The following P2RX7 variants were observed in gnomAD, a reference collection of about 807,000 sequenced individuals.
The protein encoded by P2RX7 is purinergic receptor P2X 7.
A neutral mutation model predicts 71.6 loss-of-function variants in P2RX7; 62 were observed. The observed-to-expected ratio is 0.87, with a 90% CI of 0.71 to 1.07. The LOEUF is 1.07. Among genes scored for constraint, P2RX7 ranks in the 50% least tolerant of loss-of-function variants. The probability of loss-of-function intolerance (pLI) is 0.00; values close to 1 mark genes in which losing one functional copy is unlikely to be tolerated. For synonymous variants in P2RX7, 299 were observed against 283.3 expected, an observed-to-expected ratio of 1.06 and a Z score of -0.56; for missense variants, 686 against 748.5, an observed-to-expected ratio of 0.92 and a Z score of 0.97.
At position 121,187,496 on chromosome 12, in the gene P2RX7, C is replaced by CT. The variant is rs1253941622; in HGVS notation, c.*2696dup. 2 of 152,146 alleles carry CT rather than the reference C, an allele frequency of 1.3e-5. No homozygotes were observed. The highest frequency in any genetic ancestry group is 4.8e-5 in the African/African-American group (2 of 41,436). 9.4% of individuals were successfully genotyped at this position (152,146 alleles called of 1,614,324 possible). ...CTGTTACAAGTTTCCATTCTGATGGCTTCTGGGCCTTTGTACCTTTGTTTT... is the reference window on the plus strand; with the variant it reads ...CTGTTACAAGTTTCCATTCTGATGGCTTTCTGGGCCTTTGTACCTTTGTTTT... On this transcript the variant is annotated 3_prime_UTR_variant, in exon 13 of 13. Coordinates refer to ENST00000328963, the MANE Select transcript of P2RX7 (RefSeq NM_002562.6).
chr12:121,150,643 T>A (rs1332171794), intron 1 of P2RX7, among the ~76,000 whole-genome samples: 3 of 152,268 alleles, frequency 2.0e-5, no homozygotes, highest in African/African-American at 7.2e-5. Context: ...GTGCACTGGC[T>A]TATGCCTGTA....
intron 3 of P2RX7, among the ~76,000 whole-genome samples, chr12:121,158,781 C>A (rs1230884275): frequency 1.3e-5 from 2 of 152,168 alleles, no homozygotes; most frequent in Non-Finnish European, 2.9e-5. Flanking sequence ...AAACTGATTT[C>A]TCTTCTTTCC....
At chr12:121,140,762 A>G (rs1794886) in intron 1 of P2RX7, among the ~76,000 whole-genome samples, 3 of 151,814 alleles carry the variant, frequency 2.0e-5, no homozygotes, top group Non-Finnish European at 4.4e-5. Context: ...CAGACTGAGA[A>G]CCTGTCTTAA....
chr12:121,149,915 C>T lies in P2RX7; in HGVS notation c.126-4870C>T, dbSNP rs755906734. 6.6e-6 allele frequency among the ~76,000 whole-genome samples: 1 copy of T among 152,184 alleles called. No individual in the cohort carries two copies. The highest frequency in any genetic ancestry group is 1.5e-5 in the Non-Finnish European group (1 of 68,042). ...CTCAGTGAAATCCCTAGGTCCTTCA[C>T]ACTCCCGTTAGCTCCAGGTACCAGC... On this transcript the variant is annotated intron_variant, in intron 1 of 12. Transcript: ENST00000328963. The surrounding 1 kb of genome is among the most constrained non-coding windows in gnomAD (Gnocchi z 4.7).
chr12:121,136,024 A>AAAAAAAATATATATG (rs1555222075), intron 1 of P2RX7, among the ~76,000 whole-genome samples: 79 of 11,638 alleles, frequency 6.8e-3, no homozygotes, highest in Middle Eastern at 0.1. Context: ...AAAAAAAAAA[A>AAAAAAAATATATATG]TATATATATA....
At chr12:121,147,545 G>A (rs1876456858) in intron 1 of P2RX7, among the ~76,000 whole-genome samples, 1 of 152,162 alleles carries the variant, frequency 6.6e-6, no homozygotes, top group Admixed American at 6.5e-5. Context: ...GAACCATATG[G>A]AACTGCCTAT....
Position 121,149,018 on chromosome 12 carries a change from G to T in P2RX7, c.126-5767G>T. ...GCTGGAAGCCCAGGGGCTGTAAGAC[G>T]GAGAGGAACTTTGCTGAAAGGGAGG... On this transcript the variant is annotated intron_variant, in intron 1 of 12. Transcript: ENST00000328963. This position sits in a 1 kb window ranked among gnomAD's most constrained non-coding sequence, Gnocchi z 4.7. The T allele has an allele frequency of 1.8e-6, 1 of 549,642 alleles. No homozygotes were observed. Among genetic ancestry groups the T allele is most frequent in the South Asian group, 1.5e-5 (1 of 67,236 alleles). 34.0% of individuals were successfully genotyped at this position (549,642 alleles called of 1,614,324 possible). A position where few individuals can be genotyped will look rare whatever the true frequency, so the allele number is the denominator to read the frequency against.
Position 121,187,264 on chromosome 12 carries a change from C to T in P2RX7, c.*2462C>T, listed in dbSNP as rs1283882347. ...CATTTTGATACCTTTTAAAAACCAGCAGCTTTCTACTATATTCATGTAAGA... is the reference window on the plus strand; with the variant it reads ...CATTTTGATACCTTTTAAAAACCAGTAGCTTTCTACTATATTCATGTAAGA... On this transcript the variant is annotated 3_prime_UTR_variant, in exon 13 of 13. Coordinates refer to ENST00000328963, the MANE Select transcript of P2RX7 (RefSeq NM_002562.6). 1 of 152,178 alleles carries T rather than the reference C, an allele frequency of 6.6e-6. No homozygotes were observed. The highest frequency in any genetic ancestry group is 6.6e-5 in the Admixed American group (1 of 15,260). The allele number at this position is 152,178 out of a possible 1,614,324, so 9.4% of individuals were successfully genotyped here.
intron 8 of P2RX7, among the ~76,000 whole-genome samples, chr12:121,172,910 A>G (rs1376999692): frequency 6.6e-6 from 1 of 152,102 alleles, no homozygotes; most frequent in African/African-American, 2.4e-5. Context: ...TTAATAACTC[A>G]GAAAAAATAA....
Position 121,160,975 on chromosome 12 carries a change from GTACCTTCT to G in P2RX7, c.436+2_436+9del. The stretch of plus-strand genomic sequence containing the variant: ...GGATGGATGGACCCGCAGAGCAAAG[GTACCTTCT>G]GTTTCTTTTCCCGAGACCCTAGGGG... On this transcript the variant is annotated splice_donor_variant and splice_donor_5th_base_variant and intron_variant, in intron 4 of 12. Transcript: ENST00000328963. LOFTEE classifies it high-confidence loss of function. The G allele has an allele frequency of 6.8e-6, 11 of 1,612,264 alleles. No homozygotes were observed. Among genetic ancestry groups the G allele is most frequent in the Non-Finnish European group, 6.8e-6 (8 of 1,178,322 alleles).
chr12:121,171,778 T>A (rs1324211973), intron 8 of P2RX7, among the ~76,000 whole-genome samples: 1 of 151,770 alleles, frequency 6.6e-6, no homozygotes, highest in Non-Finnish European at 1.5e-5. Context: ...CCTAGAAACA[T>A]CTCAGAGCTT....
intron 3 of P2RX7, among the ~76,000 whole-genome samples, chr12:121,157,499 C>A (rs1593059801): frequency 6.6e-6 from 1 of 152,314 alleles, no homozygotes; most frequent in African/African-American, 2.4e-5. Flanking sequence ...CTCTGACAGC[C>A]AGGCCAGCCA....
At chr12:121,156,273 C>T (rs1008886640) in intron 3 of P2RX7, 126 bp downstream of exon 3, 21 of 741,624 alleles carry the variant, frequency 2.8e-5, no homozygotes, top group Non-Finnish European at 4.5e-5. Flanking sequence ...GAGCACCTGC[C>T]TCTTTTGTGG....
intron 3 of P2RX7, among the ~76,000 whole-genome samples, chr12:121,158,904 G>A (rs1408594895): frequency 6.6e-6 from 1 of 152,058 alleles, no homozygotes; most frequent in Non-Finnish European, 1.5e-5. Flanking sequence ...CAGGCACTTG[G>A]GCTGCAAAGA....
intron 8 of P2RX7, among the ~76,000 whole-genome samples, chr12:121,174,392 T>A (rs542745712): frequency 1.3e-5 from 2 of 152,026 alleles, no homozygotes; most frequent in African/African-American, 2.4e-5. Context: ...TGGTGCACGC[T>A]TGTAGTCCCA....
chr12:121,185,022 T>C lies in P2RX7; in HGVS notation c.*220T>C. The C allele has an allele frequency of 4.0e-6, 2 of 501,406 alleles. No individual in the cohort carries two copies. Among genetic ancestry groups the C allele is most frequent in the Non-Finnish European group, 7.1e-6 (2 of 279,954 alleles). 31.1% of individuals were successfully genotyped at this position (501,406 alleles called of 1,614,324 possible). ...ATCACTTGAACCCGGGAGGCAGAGG[T>C]TGTAGTGAGCCCAGATTGTGCCACT... On this transcript the variant is annotated 3_prime_UTR_variant, in exon 13 of 13. Coordinates refer to ENST00000328963, the MANE Select transcript of P2RX7 (RefSeq NM_002562.6).
At position 121,147,605 on chromosome 12, in the gene P2RX7, GTTGT is replaced by G. The variant is rs199617518; in HGVS notation, c.126-7159_126-7156del. Among the ~76,000 whole-genome samples, 488 of 151,624 alleles carry G rather than the reference GTTGT, an allele frequency of 3.2e-3. 1 individual carries two copies. The highest frequency in any genetic ancestry group is 8.0e-3 in the African/African-American group (332 of 41,276). On this transcript the variant is annotated intron_variant, in intron 1 of 12. Transcript: ENST00000328963. ...TGCAAAATGGGCAGTTTTTTTTGTT[GTTGT>G]TTGTTTGTTTGTTTGTTTGTCTTGA... is the stretch of plus-strand genomic sequence containing the variant.
chr12:121,169,734 C>T (rs1386943601), intron 8 of P2RX7, among the ~76,000 whole-genome samples: 1 of 152,068 alleles, frequency 6.6e-6, no homozygotes, highest in Non-Finnish European at 1.5e-5. Flanking sequence ...AGGGAGACCC[C>T]ATCTCTACAA....
chr12:121,154,750 C>A lies in P2RX7; in HGVS notation c.126-35C>A. The A allele has an allele frequency of 7.0e-7, 1 of 1,422,144 alleles. No homozygotes were observed. The highest frequency in any genetic ancestry group is 1.1e-5 in the South Asian group (1 of 87,228). 88.1% of individuals were successfully genotyped at this position (1,422,144 alleles called of 1,614,324 possible). ...CTGCATCCCAACCCGCTGTGCTATG[C>A]CTCCCGTTGATGCTTTCCCATGTCT... On this transcript the variant is annotated intron_variant, in intron 1 of 12. Transcript: ENST00000328963. This position sits in a 1 kb window ranked among gnomAD's most constrained non-coding sequence, Gnocchi z 4.2.
Sources: allele counts gnomAD v4.1 joint callset (sites outside exome capture counted in the v4.1 genomes callset), GRCh38; gene constraint gnomAD v4.1.1; non-coding constraint Gnocchi (gnomAD v3.1); transcripts MANE v1.5; gene names NCBI Gene and HGNC (gene_info 2026-07-23, HGNC 2026-07-21).